INPP5A: variants seen among roughly 807,000 people sequenced by gnomAD.
INPP5A encodes the protein inositol polyphosphate-5-phosphatase A.
INPP5A carries 14 observed loss-of-function variants against 65.2 expected under a neutral mutation model. The ratio of observed to expected loss-of-function variants is 0.21; its 90% confidence interval spans 0.14 to 0.34. The LOEUF (loss-of-function observed/expected upper bound fraction) is 0.34, where lower values mean the gene tolerates loss of function less well. INPP5A is among the 10% of genes least tolerant of loss of function. The probability of loss-of-function intolerance (pLI) is 1.00; values close to 1 mark genes in which losing one functional copy is unlikely to be tolerated. For missense variants in INPP5A, 431 were observed against 545.6 expected (o/e 0.79, Z 2.09); for synonymous variants, 207 against 208.3 (o/e 0.99, Z 0.05).
chr10:132,763,066 T>C (rs1236128834), intron 11 of INPP5A, among the ~76,000 whole-genome samples: 1 of 152,070 alleles, frequency 6.6e-6, no homozygotes, highest in Non-Finnish European at 1.5e-5. Context: ...AATGAGAGGG[T>C]TTGGTGGTGC....
intron 9 of INPP5A, among the ~76,000 whole-genome samples, chr10:132,736,843 G>A (rs947016240): frequency 3.3e-5 from 5 of 152,184 alleles, no homozygotes; most frequent in Admixed American, 6.5e-5. Flanking sequence ...CCTGAGACCC[G>A]CTGGCTGCTC....
At chr10:132,703,177 C>T (rs937118463) in intron 6 of INPP5A, among the ~76,000 whole-genome samples, 1 of 152,134 alleles carries the variant, frequency 6.6e-6, no homozygotes, top group Non-Finnish European at 1.5e-5. Flanking sequence ...CTGTCCCGGT[C>T]GCTTGGTGAT....
chr10:132,775,685 G>A (rs758205931), intron 12 of INPP5A, among the ~76,000 whole-genome samples: 8 of 152,182 alleles, frequency 5.3e-5, no homozygotes, highest in Non-Finnish European at 1.2e-4. Flanking sequence ...CCTTCCTGGA[G>A]CAGATGGGCT....
intron 2 of INPP5A, among the ~76,000 whole-genome samples, chr10:132,626,065 GT>G (rs1564939361): frequency 6.6e-6 from 1 of 152,182 alleles, no homozygotes; most frequent in Non-Finnish European, 1.5e-5. Context: ...CCACAGATCC[GT>G]TTTTCCCATT....
intron 1 of INPP5A, among the ~76,000 whole-genome samples, chr10:132,577,535 C>T (rs2071425248): frequency 6.6e-6 from 1 of 152,140 alleles, no homozygotes; most frequent in South Asian, 2.1e-4. Context: ...TTTTGGTGGC[C>T]CCTGTTTTGG....
chr10:132,613,490 G>A (rs1469857258), intron 2 of INPP5A, among the ~76,000 whole-genome samples: 1 of 152,206 alleles, frequency 6.6e-6, no homozygotes, highest in African/African-American at 2.4e-5. Context: ...ATGAATGATG[G>A]TTTGCTCTGT....
chr10:132,621,028 C>T (rs2072100836), intron 2 of INPP5A, among the ~76,000 whole-genome samples: 1 of 152,196 alleles, frequency 6.6e-6, no homozygotes, highest in South Asian at 2.1e-4. Context: ...GCCATATGAT[C>T]ATCTCAGTAG....
At chr10:132,711,251 G>A (rs1020456747) in intron 8 of INPP5A, among the ~76,000 whole-genome samples, 2 of 152,140 alleles carry the variant, frequency 1.3e-5, no homozygotes, top group Admixed American at 6.5e-5. Context: ...GAGATGACGG[G>A]CTGTCACTGG....
At position 132,623,040 on chromosome 10, in the gene INPP5A, A is replaced by T. The variant is rs113570189; in HGVS notation, c.117+15084A>T. 1.2e-3 allele frequency among the ~76,000 whole-genome samples: 184 copies of T among 150,448 alleles called. 3 individuals are homozygous for T. Among genetic ancestry groups the T allele is most frequent in the African/African-American group, 4.5e-3 (177 of 39,734 alleles). On this transcript the variant is annotated intron_variant, in intron 2 of 15. Coordinates refer to ENST00000368594, the MANE Select transcript of INPP5A (RefSeq NM_005539.5). ...TCCGTGTTCGTGGATTGGAAGACTC[A>T]GTTACGCTGACATGTTAATTCCCCA...
intron 2 of INPP5A, among the ~76,000 whole-genome samples, chr10:132,642,975 G>C (rs2072446129): frequency 6.6e-6 from 1 of 152,222 alleles, no homozygotes; most frequent in Non-Finnish European, 1.5e-5. Flanking sequence ...AGCAGGTGTT[G>C]CCAGGTCGCT....
chr10:132,740,165 G>T (rs957852266), intron 9 of INPP5A, among the ~76,000 whole-genome samples: 1 of 152,228 alleles, frequency 6.6e-6, no homozygotes, highest in Admixed American at 6.5e-5. Flanking sequence ...GCTTCTCCAG[G>T]TGGATATCCA....
chr10:132,658,085 C>A (rs1290784672), intron 4 of INPP5A, among the ~76,000 whole-genome samples: 1 of 152,214 alleles, frequency 6.6e-6, no homozygotes, highest in Non-Finnish European at 1.5e-5. Context: ...CTCCCCGCTG[C>A]TGTGATGTGA....
intron 1 of INPP5A, among the ~76,000 whole-genome samples, chr10:132,566,228 G>C (rs113992358): frequency 0.035 from 5,263 of 152,194 alleles, 291 homozygotes; most frequent in African/African-American, 0.12. Flanking sequence ...ACACTAAATT[G>C]ACCAGTTATT....
At chr10:132,731,608 G>A (rs1425175368) in intron 9 of INPP5A, among the ~76,000 whole-genome samples, 1 of 152,208 alleles carries the variant, frequency 6.6e-6, no homozygotes, top group East Asian at 1.9e-4. Context: ...ATGAGGAGGG[G>A]ACCAAGGAAG....
chr10:132,611,595 G>A (rs2071952095), intron 2 of INPP5A, among the ~76,000 whole-genome samples: 2 of 133,926 alleles, frequency 1.5e-5, no homozygotes, highest in Non-Finnish European at 3.2e-5. Context: ...GGGAGGGTGA[G>A]GGAGGTGAGG....
At chr10:132,748,241 G>A (rs1846407540) in intron 9 of INPP5A, among the ~76,000 whole-genome samples, 1 of 152,068 alleles carries the variant, frequency 6.6e-6, no homozygotes, top group South Asian at 2.1e-4. Context: ...CCATGTCTGG[G>A]TATTTTGTGT....
At chr10:132,543,313 A>T (rs1241381205) in intron 1 of INPP5A, among the ~76,000 whole-genome samples, 7 of 151,428 alleles carry the variant, frequency 4.6e-5, no homozygotes, top group Admixed American at 4.6e-4. Flanking sequence ...TTTCACATAC[A>T]TGGGATCAGA....
At chr10:132,609,625 C>G (rs2071913261) in intron 2 of INPP5A, among the ~76,000 whole-genome samples, 1 of 152,094 alleles carries the variant, frequency 6.6e-6, no homozygotes, top group South Asian at 2.1e-4. Context: ...TGAAAACTGT[C>G]TGCTGCTTTT....
rs1334448517 is a variant in INPP5A at position 132,675,590 on chromosome 10, G to A, written c.307-14802G>A. 6.6e-6 allele frequency among the ~76,000 whole-genome samples: 1 copy of A among 151,902 alleles called. No individual in the cohort carries two copies. Among genetic ancestry groups the A allele is most frequent in the Non-Finnish European group, 1.5e-5 (1 of 68,004 alleles). ...TCCAGGGGCCTTGCCGTGCCCGGGA[G>A]AGTGAGGGTAACGGACATTCCCACG... On this transcript the variant is annotated intron_variant, in intron 4 of 15. Transcript: ENST00000368594. This position sits in a 1 kb window ranked among gnomAD's most constrained non-coding sequence, Gnocchi z 4.2.
Sources: allele counts gnomAD v4.1 joint callset (sites outside exome capture counted in the v4.1 genomes callset), GRCh38; gene constraint gnomAD v4.1.1; non-coding constraint Gnocchi (gnomAD v3.1); transcripts MANE v1.5; gene names NCBI Gene and HGNC (gene_info 2026-07-23, HGNC 2026-07-21).